Variants in MTOR observed in about 807,000 individuals in gnomAD.
The protein encoded by MTOR is serine/threonine-protein kinase mTOR.
A neutral mutation model predicts 319.8 loss-of-function variants in MTOR; 70 were observed. The observed-to-expected ratio is 0.22, with a 90% CI of 0.18 to 0.27. The LOEUF (loss-of-function observed/expected upper bound fraction) is 0.27. Ranked by LOEUF, MTOR falls within the 10% of genes least tolerant of loss-of-function variation. MTOR has a pLI of 1.00. For missense variants in MTOR, 1,890 were observed against 3,274.4 expected (o/e 0.58, Z 10.32); for synonymous variants, 1,183 against 1,211.4 (o/e 0.98, Z 0.49).
In MTOR at chr1:11,237,826, G is replaced by A. The variant is rs750345817; in HGVS notation, c.2208+17C>T. On this transcript the variant is annotated intron_variant, in intron 13 of 57. Coordinates refer to ENST00000361445, the MANE Select transcript of MTOR (RefSeq NM_004958.4). Reference sequence around the variant, plus strand: ...CCTGTCTTCCCTGCCTGTGGGTCTGGCCATCACCTCGGTTACCTGGATGAG... The same window carrying A: ...CCTGTCTTCCCTGCCTGTGGGTCTGACCATCACCTCGGTTACCTGGATGAG... The A allele has an allele frequency of 5.6e-6, 9 of 1,613,454 alleles. No individual in the cohort carries two copies. Among genetic ancestry groups the A allele is most frequent in the Non-Finnish European group, 7.6e-6 (9 of 1,179,794 alleles).
At chr1:11,141,995 C>G (rs1043238667) in intron 34 of MTOR, among the ~76,000 whole-genome samples, 1 of 150,268 alleles carries the variant, frequency 6.7e-6, no homozygotes, top group Non-Finnish European at 1.5e-5. Flanking sequence ...AGCGAGACTC[C>G]GTCTCAAAAA....
chr1:11,242,500 CAAAAAAA>C (rs70977555), intron 9 of MTOR, among the ~76,000 whole-genome samples: 8 of 52,632 alleles, frequency 1.5e-4, no homozygotes, highest in South Asian at 9.5e-4. Context: ...GACTCCATCT[CAAAAAAA>C]AAAAAAAAAA....
At chr1:11,193,907 T>C in intron 28 of MTOR, 2 of 1,022,540 alleles carry the variant, frequency 2.0e-6, no homozygotes, top group Non-Finnish European at 2.8e-6. Flanking sequence ...TCCTGCAAGT[T>C]GTAATGGAGT....
chr1:11,190,220 G>C (rs929914089), intron 28 of MTOR, among the ~76,000 whole-genome samples: 7 of 152,216 alleles, frequency 4.6e-5, no homozygotes, highest in African/African-American at 1.7e-4. Context: ...AAGTCACCCA[G>C]CAAGTCTTAG....
rs770031692 is a variant in MTOR at position 11,203,504 on chromosome 1, G to A, written c.3944+1057C>T. On this transcript the variant is annotated intron_variant, in intron 26 of 57. Transcript: ENST00000361445. ...AGCCTGGCCAACATGGCGAAACCCC[G>A]TCTTTACTAAAAATACAAAATTAGC... Among the ~76,000 whole-genome samples, 6 of 151,858 alleles carry A rather than the reference G, an allele frequency of 4.0e-5. 1 individual carries two copies. Among genetic ancestry groups the A allele is most frequent in the Non-Finnish European group, 5.9e-5 (4 of 67,970 alleles).
At position 11,171,194 on chromosome 1, in the gene MTOR, C is replaced by CA. The variant is rs946569273; in HGVS notation, c.4254-3678dup. Reference sequence around the variant, plus strand: ...TGGGCGACAGAGCTAGACTCTATCTCAAAAAAAAAAAAAAGAAAAAGAAAA... The same window carrying CA: ...TGGGCGACAGAGCTAGACTCTATCTCAAAAAAAAAAAAAAAGAAAAAGAAAA... On this transcript the variant is annotated intron_variant, in intron 28 of 57. Transcript: ENST00000361445. 9.4e-3 allele frequency among the ~76,000 whole-genome samples: 1,157 copies of CA among 122,470 alleles called. 21 individuals carry two copies. In the East Asian group the frequency reaches 0.11, roughly 11 times the overall value. 80.3% of individuals were successfully genotyped at this position (122,470 alleles called of 152,430 possible). A position where few individuals can be genotyped will look rare whatever the true frequency, so the allele number is the denominator to read the frequency against.
chr1:11,146,576 C>T, intron 32 of MTOR, 100 bp downstream of exon 32: 1 of 858,976 alleles, frequency 1.2e-6, no homozygotes, highest in South Asian at 1.5e-5. Context: ...GAGTAAACAT[C>T]AGACCTGAAG....
intron 19 of MTOR, 148 bp from the exon 20 acceptor site, chr1:11,216,382 G>A (rs187249913): frequency 3.5e-6 from 2 of 574,442 alleles, no homozygotes; most frequent in East Asian, 5.8e-5. Context: ...AAAGACCCAA[G>A]CTTGGCTAGG....
At chr1:11,164,426 C>T (rs999385687) in intron 29 of MTOR, among the ~76,000 whole-genome samples, 5 of 151,414 alleles carry the variant, frequency 3.3e-5, no homozygotes, top group African/African-American at 9.7e-5. Context: ...ACCACCGATC[C>T]CACAGAAATA....
Position 11,238,615 on chromosome 1 carries a change from G to C in MTOR, c.1789C>G (p.His597Asp). 6.2e-7 allele frequency: 1 copy of C among 1,606,426 alleles called. No individual in the cohort carries two copies. Among genetic ancestry groups the C allele is most frequent in the Admixed American group, 1.7e-5 (1 of 59,620 alleles). The part of the protein sequence containing the change: ...RTLGSFEFEG[H>D]SLTQFVRHCA... ...TGGCGAACAAATTGGGTCAGAGAGT[G>C]GCCTGGATAGAAAGGCAGAGAGAAA... Residue 597 changes from histidine (H) to aspartate (D), a missense_variant and splice_region_variant, in exon 12 of 58, where the codon CAC becomes GAC. By Grantham distance (81) the His-to-Asp change is moderately conservative. Transcript: ENST00000361445.
rs1173863369 is a variant in MTOR at position 11,144,725 on chromosome 1, G to C, written c.4795C>G (p.Leu1599Val). 3.7e-6 allele frequency: 6 copies of C among 1,613,548 alleles called. No homozygotes were observed. Among genetic ancestry groups the C allele is most frequent in the Non-Finnish European group, 5.1e-6 (6 of 1,180,018 alleles). Residue 1599 changes from leucine (L) to valine (V), a missense_variant, in exon 34 of 58, where the codon CTG becomes GTG. Leu to Val is a conservative substitution (Grantham distance 32). Transcript: ENST00000361445. The stretch of plus-strand genomic sequence containing the variant: ...AGTTTGTACTGGATAACCTCCTCCA[G>C]CTCGGACAGCATGTGGCAAGAAACC... ...AMVSCHMLSE[L>V]EEVIQYKLVP...
rs886133716 is a variant in MTOR at position 11,159,556 on chromosome 1, G to A, written c.4330-2265C>T. ...CTTGGGAGGCTGAGGCAGGAGAATC[G>A]CTTGAACCCAGGAGACAGAGGTTGC... On this transcript the variant is annotated intron_variant, in intron 29 of 57. Coordinates refer to ENST00000361445, the MANE Select transcript of MTOR (RefSeq NM_004958.4). Among the ~76,000 whole-genome samples, 9 of 151,834 alleles carry A rather than the reference G, an allele frequency of 5.9e-5. No individual in the cohort carries two copies. The East Asian group carries it at 1.7e-3, about 29-fold the overall frequency.
At chr1:11,161,898 C>T (rs1340277052) in intron 29 of MTOR, among the ~76,000 whole-genome samples, 2 of 152,222 alleles carry the variant, frequency 1.3e-5, no homozygotes, top group Non-Finnish European at 2.9e-5. Context: ...CAAAGGAACG[C>T]AGCTCTTTGC....
At chr1:11,238,657 T>C (rs1647531758) in intron 11 of MTOR, 40 bp from the exon 12 acceptor site, 2 of 1,541,488 alleles carry the variant, frequency 1.3e-6, no homozygotes, top group Non-Finnish European at 1.8e-6. Context: ...TAAACACTGC[T>C]GCTGTAGACA....
chr1:11,255,443 A>G (rs1220726367), intron 5 of MTOR, among the ~76,000 whole-genome samples: 1 of 151,162 alleles, frequency 6.6e-6, no homozygotes, highest in Admixed American at 6.6e-5. Context: ...TAATTGGCAT[A>G]TTTGCATTCT....
chr1:11,237,223 T>A (rs991332173), intron 13 of MTOR, among the ~76,000 whole-genome samples: 1 of 152,096 alleles, frequency 6.6e-6, no homozygotes, highest in African/African-American at 2.4e-5. Flanking sequence ...CAGGACTCCA[T>A]GTATTGCTCA....
At position 11,114,343 on chromosome 1, in the gene MTOR, G is replaced by T; in HGVS notation, c.7275C>A (p.Pro2425=). Residue 2425 remains proline (P), a synonymous_variant, in exon 53 of 58, where the codon CCC becomes CCA. Coordinates refer to ENST00000361445, the MANE Select transcript of MTOR (RefSeq NM_004958.4). The part of the protein sequence containing the change: ...MAVLEAFVYD[P]LLNWRLMDTN... ...TGTCCATCAGCCTCCAGTTCAGCAA[G>T]GGGTCATAGACAAAGGCTTCCAGCA... The T allele has an allele frequency of 6.2e-7, 1 of 1,614,130 alleles. No homozygotes were observed. Among genetic ancestry groups the T allele is most frequent in the Non-Finnish European group, 8.5e-7 (1 of 1,180,042 alleles).
At chr1:11,171,280 C>G (rs1317547428) in intron 28 of MTOR, among the ~76,000 whole-genome samples, 1 of 151,126 alleles carries the variant, frequency 6.6e-6, no homozygotes, top group Non-Finnish European at 1.5e-5. Context: ...ATTTTCTTTT[C>G]TTCTTTCTTT....
intron 38 of MTOR, chr1:11,132,758 G>A (rs1643222774): frequency 4.2e-6 from 1 of 236,334 alleles, no homozygotes; most frequent in South Asian, 1.1e-4. Flanking sequence ...AAGGGAAGAT[G>A]TCACTCCAGA....
Sources: allele counts gnomAD v4.1 joint callset (sites outside exome capture counted in the v4.1 genomes callset), GRCh38; gene constraint gnomAD v4.1.1; transcripts MANE v1.5; gene names NCBI Gene and HGNC (gene_info 2026-07-23, HGNC 2026-07-21).